The following PRELP variants were observed in gnomAD, a reference collection of about 807,000 sequenced individuals.
PRELP encodes prolargin.
A neutral mutation model predicts 22.8 loss-of-function variants in PRELP; 16 were observed. The observed-to-expected ratio is 0.70, with a 90% CI of 0.47 to 1.06. PRELP has a LOEUF of 1.06. Ranked by LOEUF, PRELP falls within the 50% of genes least tolerant of loss-of-function variation. PRELP has a pLI of 0.00. For synonymous variants in PRELP, 233 were observed against 211.4 expected (o/e 1.10, Z -0.89); for missense variants, 434 against 485.2 (o/e 0.89, Z 0.99).
At chr1:203,481,071 C>G (rs1349910614) in intron 1 of PRELP, among the ~76,000 whole-genome samples, 1 of 149,940 alleles carries the variant, frequency 6.7e-6, no homozygotes, top group Non-Finnish European at 1.5e-5. Context: ...GCTGGAAGCC[C>G]TGGGCAAATT....
chr1:203,479,090 G>T (rs1268216458), intron 1 of PRELP, among the ~76,000 whole-genome samples: 1 of 152,190 alleles, frequency 6.6e-6, no homozygotes, highest in Admixed American at 6.5e-5. Context: ...CTGCAGGGTA[G>T]CTCTGGGTCA....
Position 203,487,125 on chromosome 1 carries a change from G to A in PRELP, c.*244G>A. The A allele has an allele frequency of 4.4e-6, 2 of 456,352 alleles. No homozygotes were observed. The highest frequency in any genetic ancestry group is 7.8e-6 in the Non-Finnish European group (2 of 256,912). The allele number at this position is 456,352 out of a possible 1,614,324, so 28.3% of individuals were successfully genotyped here. A position where few individuals can be genotyped will look rare whatever the true frequency, so the allele number is the denominator to read the frequency against. On this transcript the variant is annotated 3_prime_UTR_variant, in exon 3 of 3. Coordinates refer to ENST00000343110, the MANE Select transcript of PRELP (RefSeq NM_002725.4). ...CACACCCAAACTCCTGGCCTTCTGT[G>A]GTTTCCCTTTGCTCCAGAAACACAG...
At position 203,483,227 on chromosome 1, in the gene PRELP, G is replaced by A. The variant is rs543113361; in HGVS notation, c.43G>A (p.Ala15Thr). 54 of 1,575,804 alleles carry A rather than the reference G, an allele frequency of 3.4e-5. No individual in the cohort carries two copies. The South Asian group carries it at 5.5e-4, about 16-fold the overall frequency. Residue 15 changes from alanine (A) to threonine (T), a missense_variant, in exon 2 of 3, where the codon GCC (alanine) becomes ACC (threonine). Physicochemically the swap from Ala to Thr is moderately conservative, Grantham distance 58 (BLOSUM62 0). Transcript: ENST00000343110. This position sits in a 1 kb window ranked among gnomAD's most constrained non-coding sequence, Gnocchi z 4.4. ...CTGGCTCCTCCCACTTCTCATCTTGGCCTCAGTGGCCCAAGGCCAGCCAAC... is the reference window on the plus strand; with the variant it reads ...CTGGCTCCTCCCACTTCTCATCTTGACCTCAGTGGCCCAAGGCCAGCCAAC... ...LCWLLPLLIL[A>T]SVAQGQPTRR...
At chr1:203,476,031 A>G (rs1031407115) in intron 1 of PRELP, 93 bp downstream of exon 1, 17 of 152,396 alleles carry the variant, frequency 1.1e-4, no homozygotes, top group African/African-American at 4.1e-4. Flanking sequence ...TCTAGTCTCT[A>G]TCCTCTCACT....
intron 1 of PRELP, among the ~76,000 whole-genome samples, chr1:203,477,072 G>A (rs574275888): frequency 5.3e-5 from 8 of 152,158 alleles, no homozygotes; most frequent in African/African-American, 1.9e-4. Flanking sequence ...CGGGGTGTAG[G>A]GAGATCAGGG....
chr1:203,479,923 T>C (rs1478627630), intron 1 of PRELP, among the ~76,000 whole-genome samples: 1 of 151,862 alleles, frequency 6.6e-6, no homozygotes, highest in Non-Finnish European at 1.5e-5. Flanking sequence ...TCCACAATAG[T>C]TGGAATTGAA....
intron 1 of PRELP, among the ~76,000 whole-genome samples, chr1:203,480,343 A>G (rs995598055): frequency 6.6e-6 from 1 of 152,218 alleles, no homozygotes; most frequent in African/African-American, 2.4e-5. Flanking sequence ...AGAAAAATTT[A>G]AAAACACACA....
chr1:203,477,198 A>G (rs1660925762), intron 1 of PRELP, among the ~76,000 whole-genome samples: 1 of 152,150 alleles, frequency 6.6e-6, no homozygotes, highest in Admixed American at 6.5e-5. Context: ...ATCGAGACCC[A>G]GGAATCTTGT....
In PRELP at chr1:203,478,610, AT is replaced by A. The variant is rs987774819; in HGVS notation, c.-17+2679del. On this transcript the variant is annotated intron_variant, in intron 1 of 2. Coordinates refer to ENST00000343110, the MANE Select transcript of PRELP (RefSeq NM_002725.4). ...GGTAAGGAATATAGGTATAGGGAAG[AT>A]TTTTTTATTCCCATTTTACAGATAA... Among the ~76,000 whole-genome samples, 22 of 152,138 alleles carry A rather than the reference AT, an allele frequency of 1.4e-4. No individual in the cohort carries two copies. In the East Asian group the frequency reaches 2.3e-3, roughly 16 times the overall value.
At chr1:203,484,239 G>C in intron 2 of PRELP, 82 bp downstream of exon 2, 1 of 1,523,220 alleles carries the variant, frequency 6.6e-7, no homozygotes, top group Non-Finnish European at 8.8e-7. Flanking sequence ...GGAGACTCAG[G>C]GTGGGGTGGT....
chr1:203,485,880 C>T (rs948771882), intron 2 of PRELP, among the ~76,000 whole-genome samples: 28 of 152,178 alleles, frequency 1.8e-4, no homozygotes, highest in African/African-American at 6.5e-4. Flanking sequence ...GAATCTCAGG[C>T]CATGGACCCT....
At position 203,487,911 on chromosome 1, in the gene PRELP, T is replaced by A. The variant is rs76542703; in HGVS notation, c.*1030T>A. On this transcript the variant is annotated 3_prime_UTR_variant, in exon 3 of 3. Transcript: ENST00000343110. ...CCTCCACGTTTGAAAATGCGCCTCC[T>A]CCTCGGAGACAGACGCATCGGTGCC... The A allele has an allele frequency of 0.058, 8,854 of 152,238 alleles. 460 individuals carry two copies. Among genetic ancestry groups the A allele is most frequent in the East Asian group, 0.2 (1,031 of 5,148 alleles). The allele number at this position is 152,238 out of a possible 1,614,324, so 9.4% of individuals were successfully genotyped here.
chr1:203,482,939 C>A (rs1571586023), intron 1 of PRELP, among the ~76,000 whole-genome samples: 1 of 152,116 alleles, frequency 6.6e-6, no homozygotes, highest in African/African-American at 2.4e-5. Flanking sequence ...CTCTTCAGAG[C>A]AGGCTCAACA....
In PRELP at chr1:203,483,099, G is replaced by T. The variant is rs147512189; in HGVS notation, c.-16-70G>T. On this transcript the variant is annotated intron_variant, in intron 1 of 2. Transcript: ENST00000343110. This position sits in a 1 kb window ranked among gnomAD's most constrained non-coding sequence, Gnocchi z 4.4. ...TAGAGCTCTAGTTCTGCCCAACTCT[G>T]GCTTCAAAAACATGACAACTAGTTA... 305 of 1,301,720 alleles carry T rather than the reference G, an allele frequency of 2.3e-4. 1 individual carries two copies. The highest frequency in any genetic ancestry group is 1.2e-3 in the Middle Eastern group (6 of 4,918). 80.6% of individuals were successfully genotyped at this position (1,301,720 alleles called of 1,614,324 possible).
intron 1 of PRELP, among the ~76,000 whole-genome samples, chr1:203,481,723 G>A (rs184362418): frequency 6.6e-6 from 1 of 152,298 alleles, no homozygotes; most frequent in East Asian, 1.9e-4. Flanking sequence ...CAGAGGATAA[G>A]TGAGTGAGTT....
chr1:203,482,901 T>C (rs1198985272), intron 1 of PRELP, among the ~76,000 whole-genome samples: 2 of 152,020 alleles, frequency 1.3e-5, no homozygotes, highest in Non-Finnish European at 2.9e-5. Context: ...TGGCCACCAA[T>C]GTGCTTTCTA....
At position 203,483,684 on chromosome 1, in the gene PRELP, C is replaced by T. The variant is rs769050745; in HGVS notation, c.500C>T (p.Ser167Leu). Reference protein sequence around the residue: ...MEKNQLEEVPSALPRNLEQLR... With the variant: ...MEKNQLEEVPLALPRNLEQLR... ...AAGAACCAGTTGGAAGAGGTCCCCT[C>T]GGCCCTGCCCCGGAACCTGGAGCAG... Residue 167 changes from serine to leucine, a missense_variant, in exon 2 of 3, where the codon TCG becomes TTG. Ser to Leu is a moderately radical substitution (Grantham distance 145, BLOSUM62 -2). Coordinates refer to ENST00000343110, the MANE Select transcript of PRELP (RefSeq NM_002725.4). The surrounding 1 kb of genome is among the most constrained non-coding windows in gnomAD (Gnocchi z 4.4). 8 of 1,614,110 alleles carry T rather than the reference C, an allele frequency of 5.0e-6. No individual in the cohort carries two copies. The Admixed American group carries it at 5.0e-5, about 10-fold the overall frequency.
intron 2 of PRELP, 77 bp from the exon 3 acceptor site, chr1:203,486,629 T>G: frequency 7.2e-7 from 1 of 1,394,978 alleles, no homozygotes. Flanking sequence ...TGCTCTCGGG[T>G]GTCTTCCCCC....
rs1237239725 is a variant in PRELP at position 203,488,762 on chromosome 1, C to T, written c.*1881C>T. 6.6e-6 allele frequency: 1 copy of T among 152,210 alleles called. No individual in the cohort carries two copies. The highest frequency in any genetic ancestry group is 2.4e-5 in the African/African-American group (1 of 41,428). The allele number at this position is 152,210 out of a possible 1,614,324, so 9.4% of individuals were successfully genotyped here. The stretch of plus-strand genomic sequence containing the variant: ...GTGGAACCCGGTCCAGACAGGGCTG[C>T]CTCGACTTCACCTTTCCCCCTAACT... On this transcript the variant is annotated 3_prime_UTR_variant, in exon 3 of 3. Coordinates refer to ENST00000343110, the MANE Select transcript of PRELP (RefSeq NM_002725.4).
Sources: gnomAD v4.1 joint callset for allele counts (sites outside exome capture counted in the v4.1 genomes callset) on GRCh38, gnomAD v4.1.1 for gene constraint, Gnocchi (gnomAD v3.1) non-coding constraint, MANE v1.5 for transcripts, NCBI Gene and HGNC (gene_info 2026-07-23, HGNC 2026-07-21) for gene names.